DIP2C: variants seen among roughly 807,000 people sequenced by gnomAD.
DIP2C encodes the protein DIP2 acetate--CoA ligase C (putative), also known as disco-interacting protein 2 homolog C.
In DIP2C, 33 loss-of-function variants were observed where a neutral mutation model predicts 192.4. That is an observed-to-expected ratio of 0.17 (90% confidence interval 0.13 to 0.23). DIP2C has a LOEUF of 0.23. DIP2C is among the 10% of genes least tolerant of loss of function. DIP2C has a pLI of 1.00. For synonymous variants in DIP2C, 979 were observed against 864.1 expected, an observed-to-expected ratio of 1.13 and a Z score of -2.33; for missense variants, 1,537 against 2,110.1, an observed-to-expected ratio of 0.73 and a Z score of 5.32.
intron 1 of DIP2C, among the ~76,000 whole-genome samples, chr10:569,484 G>T (rs1588480684): frequency 6.6e-6 from 1 of 152,150 alleles, no homozygotes; most frequent in Non-Finnish European, 1.5e-5. Flanking sequence ...GTGAGAAAAT[G>T]AACTAGCTCA....
At chr10:563,192 CCA>C (rs1849305230) in intron 1 of DIP2C, among the ~76,000 whole-genome samples, 1 of 152,248 alleles carries the variant, frequency 6.6e-6, no homozygotes, top group African/African-American at 2.4e-5. Flanking sequence ...GCAGACTGTT[CCA>C]CAGTGCCCTG....
At chr10:551,077 A>G (rs892273410) in intron 1 of DIP2C, among the ~76,000 whole-genome samples, 1 of 152,072 alleles carries the variant, frequency 6.6e-6, no homozygotes, top group Non-Finnish European at 1.5e-5. Flanking sequence ...CAAACCATGC[A>G]CACGGCTTCC....
rs900894917 is a variant in DIP2C at position 329,446 on chromosome 10, G to A, written c.3740C>T (p.Thr1247Ile). The stretch of plus-strand genomic sequence containing the variant: ...GGAGCTGCTTACCTTGAGGGACTCT[G>A]TTTGCGAGCCCAGCCCCTTGGTGCA... The part of the protein sequence containing the change: ...ELCTKGLGSQ[T>I]ESLKARGLDL... The change falls in exon 30 of 37, where the codon ACA becomes ATA. Residue 1247 changes from threonine to isoleucine, a missense_variant. Physicochemically the swap from Thr to Ile is moderately conservative, Grantham distance 89. Around this residue, in one of 4 missense-constraint regions of DIP2C, gnomAD observed 341 missense variants for 551.7 expected, o/e 0.62. Transcript: ENST00000280886. 3.1e-6 allele frequency: 5 copies of A among 1,613,714 alleles called. No individual in the cohort carries two copies. Among genetic ancestry groups the A allele is most frequent in the Non-Finnish European group, 4.2e-6 (5 of 1,179,816 alleles).
chr10:380,100 AG>A (rs1174163176), intron 17 of DIP2C, among the ~76,000 whole-genome samples: 1 of 151,596 alleles, frequency 6.6e-6, no homozygotes, highest in Non-Finnish European at 1.5e-5. Flanking sequence ...AGCGCAGAAG[AG>A]GCTGTCCCTG....
chr10:284,971 C>G (rs552921742), intron 34 of DIP2C, among the ~76,000 whole-genome samples: 11 of 152,296 alleles, frequency 7.2e-5, no homozygotes, highest in Admixed American at 3.9e-4. Flanking sequence ...GACCCTGGCC[C>G]AGCCTACGTC....
At position 366,385 on chromosome 10, in the gene DIP2C, C is replaced by T. The variant is rs1353993006; in HGVS notation, c.2158G>A (p.Gly720Arg). ...GAIMCSVKPD[G>R]VPQLCRTDEI... ...TCCGTTCTGCACAGCTGAGGAACCC[C>T]GTCTGGCTTCACTGAACACATGATG... Residue 720 changes from glycine (G) to arginine (R), a missense_variant, in exon 19 of 37, where the codon GGG (glycine) becomes AGG (arginine). This residue lies in a region of DIP2C where 677 missense variants were observed against 989.9 expected (regional missense o/e 0.68). Coordinates refer to ENST00000280886, the MANE Select transcript of DIP2C (RefSeq NM_014974.3). 5.6e-6 allele frequency: 9 copies of T among 1,614,086 alleles called. No homozygotes were observed. The Admixed American group carries it at 1.2e-4, about 21-fold the overall frequency.
chr10:505,020 G>A (rs1235442692), intron 1 of DIP2C, among the ~76,000 whole-genome samples: 6 of 152,174 alleles, frequency 3.9e-5, no homozygotes, highest in East Asian at 1.9e-4. Context: ...GTGAACCCGC[G>A]GGATCCCCAC....
intron 1 of DIP2C, among the ~76,000 whole-genome samples, chr10:654,275 G>T (rs1856139149): frequency 6.6e-6 from 1 of 152,202 alleles, no homozygotes; most frequent in Admixed American, 6.5e-5. Context: ...AGGTTTCTCA[G>T]AAGAGACTGC....
chr10:408,899 A>G (rs773952725), intron 9 of DIP2C, 27 bp downstream of exon 9: 1 of 1,610,448 alleles, frequency 6.2e-7, no homozygotes. Flanking sequence ...TGTGTTTTGT[A>G]GATCCAGCAG....
intron 3 of DIP2C, among the ~76,000 whole-genome samples, chr10:466,700 AC>A (rs1382780470): frequency 1.3e-5 from 2 of 151,868 alleles, no homozygotes; most frequent in South Asian, 4.2e-4. Flanking sequence ...CAAGAAAAAA[AC>A]AACCCCATCA....
At chr10:509,504 GC>G (rs1268036520) in intron 1 of DIP2C, among the ~76,000 whole-genome samples, 1 of 152,206 alleles carries the variant, frequency 6.6e-6, no homozygotes, top group Non-Finnish European at 1.5e-5. Context: ...ACGGAGCAGA[GC>G]CGGCTTCCGC....
chr10:440,466 C>T (rs1345164622), intron 4 of DIP2C, among the ~76,000 whole-genome samples: 1 of 152,170 alleles, frequency 6.6e-6, no homozygotes, highest in Admixed American at 6.5e-5. Flanking sequence ...GTCCAATTTG[C>T]TTGTTCTAAA....
At chr10:584,893 C>A (rs890792891) in intron 1 of DIP2C, among the ~76,000 whole-genome samples, 2 of 131,200 alleles carry the variant, frequency 1.5e-5, no homozygotes, top group Non-Finnish European at 3.1e-5. Context: ...ATGCGCATCA[C>A]CTCTCAATCT....
intron 1 of DIP2C, among the ~76,000 whole-genome samples, chr10:524,884 G>T (rs752050071): frequency 7.5e-5 from 11 of 147,234 alleles, no homozygotes; most frequent in Non-Finnish European, 1.6e-4. Flanking sequence ...CTATACTCAA[G>T]AACAGGAAGA....
chr10:639,856 G>A (rs1564294128), intron 1 of DIP2C, among the ~76,000 whole-genome samples: 1 of 152,200 alleles, frequency 6.6e-6, no homozygotes, highest in African/African-American at 2.4e-5. Context: ...GAAAATCACA[G>A]CATTATCCAT....
intron 1 of DIP2C, chr10:667,537 C>T (rs929190365): frequency 2.6e-5 from 4 of 152,316 alleles, no homozygotes; most frequent in Admixed American, 2.6e-4. Flanking sequence ...ACATATACAA[C>T]ACTGACAACA....
chr10:477,679 TAGG>T lies in DIP2C; in HGVS notation c.158-5133_158-5131del, dbSNP rs758327093. On this transcript the variant is annotated intron_variant, in intron 2 of 36. Transcript: ENST00000280886. ...AGATGAACAGGAAGTGGTGAATAGATAGGAGGAAAGCGGAGAAAAGGAAAGAAT... is the reference window on the plus strand; with the variant it reads ...AGATGAACAGGAAGTGGTGAATAGATAGGAAAGCGGAGAAAAGGAAAGAAT... Among the ~76,000 whole-genome samples, 543 of 131,740 alleles carry T rather than the reference TAGG, an allele frequency of 4.1e-3. 4 individuals carry two copies. Among genetic ancestry groups the T allele is most frequent in the Non-Finnish European group, 5.9e-3 (360 of 61,468 alleles). The allele number at this position is 131,740 out of a possible 152,430, so 86.4% of individuals were successfully genotyped here.
chr10:604,607 C>G (rs1300221546), intron 1 of DIP2C, among the ~76,000 whole-genome samples: 2 of 152,252 alleles, frequency 1.3e-5, no homozygotes, highest in African/African-American at 4.8e-5. Flanking sequence ...GAGCTTTCAA[C>G]TTTAGTATTT....
rs183468227 is a variant in DIP2C, at chr10:389,706, T to C, written c.1597+285A>G. 2.1e-3 allele frequency among the ~76,000 whole-genome samples: 321 copies of C among 152,306 alleles called. 2 individuals carry two copies. Among genetic ancestry groups the C allele is most frequent in the African/African-American group, 7.1e-3 (296 of 41,578 alleles). The stretch of plus-strand genomic sequence containing the variant: ...TAACTGCACATCTTCTCACACCTCC[T>C]ACGAGAAACCTGGAAGAGACCCCCA... On this transcript the variant is annotated intron_variant, in intron 13 of 36. Coordinates refer to ENST00000280886, the MANE Select transcript of DIP2C (RefSeq NM_014974.3).
Sources: allele counts gnomAD v4.1 joint callset (sites outside exome capture counted in the v4.1 genomes callset), GRCh38; gene constraint gnomAD v4.1.1; regional missense constraint gnomAD v4.1.1; transcripts MANE v1.5; gene names NCBI Gene and HGNC (gene_info 2026-07-23, HGNC 2026-07-21).